The following TNRC6C variants were observed in gnomAD, a reference collection of about 807,000 sequenced individuals.
The protein encoded by TNRC6C is trinucleotide repeat containing adaptor 6C, also known as trinucleotide repeat-containing gene 6C protein.
A neutral mutation model predicts 153.7 loss-of-function variants in TNRC6C; 20 were observed. The ratio of observed to expected loss-of-function variants is 0.13; its 90% confidence interval spans 0.09 to 0.19. The LOEUF is 0.19. Among genes scored for constraint, TNRC6C ranks in the 10% least tolerant of loss-of-function variants. TNRC6C has a pLI of 1.00. For synonymous variants in TNRC6C, 811 were observed against 841.4 expected (o/e 0.96, Z 0.63); for missense variants, 1,987 against 2,172.0 (o/e 0.91, Z 1.69).
In TNRC6C at chr17:78,036,549, A is replaced by G. The variant is rs906471253; in HGVS notation, c.-219+4707A>G. On this transcript the variant is annotated intron_variant, in intron 2 of 19. Transcript: ENST00000301624. ...TTAAAGAGTTAAAAGTGGAATTTGT[A>G]GCGTTTTTAGCTGTGTAAGAATAGA... Among the ~76,000 whole-genome samples, 4 of 152,294 alleles carry G rather than the reference A, an allele frequency of 2.6e-5. No homozygotes were observed. The East Asian group carries it at 7.7e-4, about 29-fold the overall frequency.
chr17:77,988,351 G>GGCA (rs1162444398), intron 1 of TNRC6C, among the ~76,000 whole-genome samples: 4 of 152,080 alleles, frequency 2.6e-5, no homozygotes, highest in Non-Finnish European at 5.9e-5. Flanking sequence ...CAGCCTGGGT[G>GGCA]GCAGAGTGAG....
At position 77,975,914 on chromosome 17, in the gene TNRC6C, G is replaced by A. The variant is rs74987681; in HGVS notation, c.-38+16646G>A. On this transcript the variant is annotated intron_variant, in intron 1 of 22. Transcript: ENST00000636222. ...TCGTCTTTATTTTTCTCATTCCATG[G>A]TGTTATAAAACTTTCTCAACTGATC... 9.3e-3 allele frequency among the ~76,000 whole-genome samples: 1,408 copies of A among 152,154 alleles called. 24 individuals carry two copies. The highest frequency in any genetic ancestry group is 0.032 in the African/African-American group (1,341 of 41,490).
intron 1 of TNRC6C, among the ~76,000 whole-genome samples, chr17:78,023,852 G>A (rs990063798): frequency 1.3e-5 from 2 of 152,092 alleles, no homozygotes; most frequent in Admixed American, 6.6e-5. Flanking sequence ...GCTCATGCCT[G>A]TAATCCCAGC....
At chr17:78,076,780 T>C (rs1023654783) in intron 8 of TNRC6C, among the ~76,000 whole-genome samples, 5 of 152,222 alleles carry the variant, frequency 3.3e-5, no homozygotes, top group Non-Finnish European at 4.4e-5. Context: ...GAAACTGCTG[T>C]GTTTGTAGGT....
At chr17:78,045,774 G>A (rs755119593) in intron 2 of TNRC6C, among the ~76,000 whole-genome samples, 32 of 152,084 alleles carry the variant, frequency 2.1e-4, no homozygotes, top group Non-Finnish European at 2.2e-4. Context: ...CTGCTCTGCC[G>A]CCTGATTTGT....
rs1567911018 is a variant in TNRC6C at position 78,006,561 on chromosome 17, C to CCTT, written c.-546+1487_-546+1489dup. ...TCTTCTTCTTCTTCTTCTTCTTCTT[C>CCTT]CTTCTTCCTTCTTCCTTCTTCTTCC... On this transcript the variant is annotated intron_variant, in intron 1 of 19. Transcript: ENST00000301624. 9.8e-3 allele frequency among the ~76,000 whole-genome samples: 1,095 copies of CCTT among 112,132 alleles called. 30 individuals are homozygous for CCTT. Among genetic ancestry groups the CCTT allele is most frequent in the African/African-American group, 0.035 (1,040 of 29,900 alleles). The allele number at this position is 112,132 out of a possible 152,430, so 73.6% of individuals were successfully genotyped here.
chr17:78,081,645 C>G lies in TNRC6C; in HGVS notation c.3358-1402C>G, dbSNP rs1442600874. Among the ~76,000 whole-genome samples the G allele has an allele frequency of 2.6e-5, 4 of 152,286 alleles. 1 individual carries two copies. The highest frequency in any genetic ancestry group is 9.6e-5 in the African/African-American group (4 of 41,554). ...CTCTGCCATAGCCACTTCCCAGGAACAGGGGAAAAGGCAGCACTACTGTGC... is the reference window on the plus strand; with the variant it reads ...CTCTGCCATAGCCACTTCCCAGGAAGAGGGGAAAAGGCAGCACTACTGTGC... On this transcript the variant is annotated intron_variant, in intron 10 of 19. Transcript: ENST00000301624.
chr17:78,018,544 G>A (rs2071773345), intron 1 of TNRC6C, among the ~76,000 whole-genome samples: 1 of 152,144 alleles, frequency 6.6e-6, no homozygotes, highest in South Asian at 2.1e-4. Context: ...CATGTTTGGG[G>A]GGGTGGAGCA....
At chr17:78,085,708 G>T (rs2073267355) in intron 11 of TNRC6C, among the ~76,000 whole-genome samples, 1 of 152,146 alleles carries the variant, frequency 6.6e-6, no homozygotes, top group South Asian at 2.1e-4. Context: ...TCATTCCCAT[G>T]ATGTTAGGGA....
intron 14 of TNRC6C, 58 bp from the exon 17 acceptor site, chr17:78,092,875 T>C (rs2073417919): frequency 1.3e-6 from 2 of 1,527,728 alleles, no homozygotes; most frequent in Admixed American, 3.6e-5. Flanking sequence ...GGGTATCTTC[T>C]GGTGTCTCTC....
chr17:77,982,646 A>G (rs1168393392), intron 1 of TNRC6C, among the ~76,000 whole-genome samples: 1 of 152,216 alleles, frequency 6.6e-6, no homozygotes, highest in East Asian at 1.9e-4. Flanking sequence ...AGCCTGGCCA[A>G]CATGGTGAAA....
chr17:77,971,122 A>T (rs2070937200), intron 1 of TNRC6C, among the ~76,000 whole-genome samples: 1 of 152,266 alleles, frequency 6.6e-6, no homozygotes, highest in Non-Finnish European at 1.5e-5. Flanking sequence ...AGCCTCACAT[A>T]TCCATATTGT....
At chr17:78,051,481 A>G in intron 3 of TNRC6C, 33 bp downstream of exon 5, 2 of 103,900 alleles carry the variant, frequency 1.9e-5, no homozygotes, top group Non-Finnish European at 2.5e-5. Flanking sequence ...CTTTACAAGT[A>G]AAAAAAAAAA....
In TNRC6C at chr17:78,103,350, TGGAAGG is replaced by T; in HGVS notation, c.4573-63_4573-58del. On this transcript the variant is annotated intron_variant, in intron 18 of 19. Coordinates refer to ENST00000301624, the Ensembl canonical transcript of TNRC6C. ...TATCCAATTTCATACGTTTTTTCTTTGGAAGGCTGTAGTGAAAGAAATCAGAAGAAA... is the reference window on the plus strand; with the variant it reads ...TATCCAATTTCATACGTTTTTTCTTTCTGTAGTGAAAGAAATCAGAAGAAA... 5.0e-6 allele frequency: 8 copies of T among 1,586,336 alleles called. No homozygotes were observed. In the Admixed American group the frequency reaches 1.1e-4, roughly 21 times the overall value.
upstream of TNRC6C, among the ~76,000 whole-genome samples, chr17:78,004,816 A>C (rs1272524650): frequency 6.6e-6 from 1 of 152,110 alleles, no homozygotes; most frequent in East Asian, 1.9e-4. Flanking sequence ...AGCCTGTTAA[A>C]ATTATAGAGT....
rs570394783 is a variant in TNRC6C, at chr17:78,092,869, A to G, written c.3971-64A>G. On this transcript the variant is annotated intron_variant, in intron 14 of 19. Transcript: ENST00000301624. Reference sequence around the variant, plus strand: ...GAAGGTACATAGGGAGGCTTAGGGTATCTTCTGGTGTCTCTCAACTGGAGA... The same window carrying G: ...GAAGGTACATAGGGAGGCTTAGGGTGTCTTCTGGTGTCTCTCAACTGGAGA... The G allele has an allele frequency of 3.4e-6, 5 of 1,484,778 alleles. No homozygotes were observed. In the African/African-American group the frequency reaches 4.1e-5, roughly 12 times the overall value. The allele number at this position is 1,484,778 out of a possible 1,614,324, so 92.0% of individuals were successfully genotyped here.
intron 1 of TNRC6C, among the ~76,000 whole-genome samples, chr17:78,006,661 A>C (rs2071520593): frequency 6.8e-6 from 1 of 146,556 alleles, no homozygotes; most frequent in African/African-American, 2.6e-5. Flanking sequence ...TGTCTGGTTT[A>C]GTACCAGCTA....
intron 1 of TNRC6C, among the ~76,000 whole-genome samples, chr17:77,971,851 A>G (rs1008170591): frequency 8.6e-5 from 12 of 139,294 alleles, no homozygotes; most frequent in African/African-American, 3.5e-4. Flanking sequence ...AAATTAGAAG[A>G]TATTTTTAAG....
chr17:77,964,305 T>C (rs1053988656), intron 1 of TNRC6C, among the ~76,000 whole-genome samples: 2 of 152,240 alleles, frequency 1.3e-5, no homozygotes, highest in Admixed American at 6.5e-5. Flanking sequence ...CTCTGAAGGA[T>C]TGAACTACAA....
Sources: allele counts gnomAD v4.1 joint callset (sites outside exome capture counted in the v4.1 genomes callset), GRCh38; gene constraint gnomAD v4.1.1; transcripts MANE v1.5; gene names NCBI Gene and HGNC (gene_info 2026-07-23, HGNC 2026-07-21).